TXNDC8: variants seen among roughly 807,000 people sequenced by gnomAD.
The protein encoded by TXNDC8 is thioredoxin domain containing 8.
TXNDC8 carries 15 observed loss-of-function variants against 12.9 expected under a neutral mutation model. The ratio of observed to expected loss-of-function variants is 1.16; its 90% confidence interval spans 0.78 to 1.79. The LOEUF is 1.79. TXNDC8 is among the 40% of genes most tolerant of loss of function. The pLI is 0.00. For synonymous variants in TXNDC8, 40 were observed against 35.4 expected, an observed-to-expected ratio of 1.13 and a Z score of -0.46; for missense variants, 128 against 113.2, an observed-to-expected ratio of 1.13 and a Z score of -0.59.
chr9:110,317,264 C>T (rs1458370045), intron 3 of TXNDC8, among the ~76,000 whole-genome samples: 1 of 152,158 alleles, frequency 6.6e-6, no homozygotes, highest in East Asian at 1.9e-4. Flanking sequence ...GGGCCATTCC[C>T]TTCAATGGCT....
rs575625251 is a variant in TXNDC8 at position 110,324,758 on chromosome 9, T to G, written c.195+1417A>C. The stretch of plus-strand genomic sequence containing the variant: ...AAGCATTTTGTGTCTCCTACATATG[T>G]TTGCAAAATCGCCTTTCATAAGGTA... On this transcript the variant is annotated intron_variant, in intron 3 of 4. Coordinates refer to ENST00000423740, the MANE Select transcript of TXNDC8 (RefSeq NM_001286946.2). Among the ~76,000 whole-genome samples the G allele has an allele frequency of 5.9e-5, 9 of 152,322 alleles. No homozygotes were observed. The South Asian group carries it at 6.2e-4, about 11-fold the overall frequency.
chr9:110,304,786 G>C (rs1013771828), intron 3 of TXNDC8, among the ~76,000 whole-genome samples: 1 of 152,190 alleles, frequency 6.6e-6, no homozygotes, highest in Non-Finnish European at 1.5e-5. Context: ...CATAGGCAAG[G>C]CTTGGCTACC....
intron 2 of TXNDC8, among the ~76,000 whole-genome samples, chr9:110,331,550 G>C (rs76307071): frequency 6.6e-6 from 1 of 152,174 alleles, no homozygotes; most frequent in Non-Finnish European, 1.5e-5. Context: ...TGGTTCTAAT[G>C]TGGTTTATGT....
At chr9:110,319,512 A>G (rs1839013811) in intron 3 of TXNDC8, among the ~76,000 whole-genome samples, 1 of 152,222 alleles carries the variant, frequency 6.6e-6, no homozygotes, top group South Asian at 2.1e-4. Context: ...CTCATTTTAC[A>G]GAGAAGGAAA....
intron 3 of TXNDC8, among the ~76,000 whole-genome samples, chr9:110,311,520 G>GA (rs1564095989): frequency 0.02 from 331 of 16,524 alleles, 4 homozygotes; most frequent in African/African-American, 0.06. Flanking sequence ...AAAATAAAGA[G>GA]GTATATATAT....
At chr9:110,330,767 A>T (rs1839514920) in intron 2 of TXNDC8, among the ~76,000 whole-genome samples, 1 of 152,222 alleles carries the variant, frequency 6.6e-6, no homozygotes, top group African/African-American at 2.4e-5. Context: ...AAAGTTGAGT[A>T]ACTGTGACAG....
chr9:110,308,711 G>C (rs1035677457), intron 3 of TXNDC8, among the ~76,000 whole-genome samples: 6 of 151,700 alleles, frequency 4.0e-5, no homozygotes, highest in African/African-American at 7.3e-5. Flanking sequence ...CTTCTACCAC[G>C]TACCTCCTTC....
intron 2 of TXNDC8, among the ~76,000 whole-genome samples, chr9:110,329,707 C>G (rs1025871620): frequency 1.3e-5 from 2 of 152,152 alleles, no homozygotes; most frequent in Non-Finnish European, 2.9e-5. Flanking sequence ...CCTTCTCTTG[C>G]CTGGCATTTT....
chr9:110,326,979 A>AC (rs1554704848), intron 2 of TXNDC8, among the ~76,000 whole-genome samples: 21 of 55,946 alleles, frequency 3.8e-4, no homozygotes, highest in Non-Finnish European at 8.7e-4. Context: ...CACACACGTG[A>AC]AGACATACTG....
intron 3 of TXNDC8, chr9:110,323,225 C>T: frequency 1.0e-6 from 1 of 985,304 alleles, no homozygotes; most frequent in African/African-American, 1.7e-5. Flanking sequence ...GTAGGAATGA[C>T]ATTGCTAAAG....
chr9:110,322,880 T>G, intron 3 of TXNDC8: 1 of 985,428 alleles, frequency 1.0e-6, no homozygotes, highest in Non-Finnish European at 1.2e-6. Context: ...CCACTTGGGA[T>G]TCTTCTAGTC....
intron 3 of TXNDC8, among the ~76,000 whole-genome samples, chr9:110,319,169 A>G (rs775959953): frequency 6.6e-6 from 1 of 152,172 alleles, no homozygotes; most frequent in Non-Finnish European, 1.5e-5. Flanking sequence ...AGAGTCCTGC[A>G]CGTAAGAGGT....
chr9:110,308,474 T>G (rs58821693), intron 3 of TXNDC8, among the ~76,000 whole-genome samples: 8,417 of 152,042 alleles, frequency 0.055, 599 homozygotes, highest in African/African-American at 0.17. Context: ...TGTTTTTTTT[T>G]TTGTTGTTGT....
chr9:110,319,356 A>G (rs1265007662), intron 3 of TXNDC8, among the ~76,000 whole-genome samples: 2 of 152,232 alleles, frequency 1.3e-5, no homozygotes, highest in African/African-American at 2.4e-5. Context: ...ATTTATTTAT[A>G]CATTTTCAGA....
chr9:110,303,451 A>G, downstream of TXNDC8: 1 of 1,476,716 alleles, frequency 6.8e-7, no homozygotes, highest in Non-Finnish European at 9.1e-7. Flanking sequence ...ATTTGCTGGA[A>G]ATGAAAGCAC....
At chr9:110,307,082 C>A (rs59627340) in intron 3 of TXNDC8, among the ~76,000 whole-genome samples, 1,809 of 151,636 alleles carry the variant, frequency 0.012, 36 homozygotes, top group African/African-American at 0.041. Context: ...GCTAGGACTA[C>A]AAGCATGCAC....
chr9:110,329,323 G>A (rs931451756), intron 2 of TXNDC8, 32 bp from the exon 3 acceptor site: 1 of 1,544,810 alleles, frequency 6.5e-7, no homozygotes, highest in Non-Finnish European at 8.8e-7. Context: ...TTTCCCATTA[G>A]TTTGGTGTTA....
At chr9:110,316,752 G>T (rs140123789) in intron 3 of TXNDC8, among the ~76,000 whole-genome samples, 4 of 152,182 alleles carry the variant, frequency 2.6e-5, no homozygotes, top group African/African-American at 9.7e-5. Context: ...TTCTTTGAGC[G>T]TTGGTGGCAT....
chr9:110,314,436 T>C (rs1006191595), intron 3 of TXNDC8, among the ~76,000 whole-genome samples: 2 of 127,516 alleles, frequency 1.6e-5, no homozygotes, highest in African/African-American at 5.9e-5. Context: ...TTTTTCTTTT[T>C]TCTTTTTTTT....
Sources: gnomAD v4.1 joint callset for allele counts (sites outside exome capture counted in the v4.1 genomes callset) on GRCh38, gnomAD v4.1.1 for gene constraint, MANE v1.5 for transcripts, NCBI Gene and HGNC (gene_info 2026-07-23, HGNC 2026-07-21) for gene names.